RERE: variants seen among roughly 807,000 people sequenced by gnomAD.
The protein encoded by RERE is arginine-glutamic acid dipeptide repeats protein.
RERE carries 40 observed loss-of-function variants against 146.1 expected under a neutral mutation model. That is an observed-to-expected ratio of 0.27 (90% CI 0.21 to 0.36). The LOEUF (loss-of-function observed/expected upper bound fraction) is 0.36. RERE is among the 10% of genes least tolerant of loss of function. The pLI, the probability that RERE is intolerant of heterozygous loss-of-function variation, is 1.00. For synonymous variants in RERE, 1,003 were observed against 866.0 expected, an observed-to-expected ratio of 1.16 and a Z score of -2.78; for missense variants, 1,933 against 2,138.7, an observed-to-expected ratio of 0.90 and a Z score of 1.90.
chr1:8,677,404 C>T (rs369169001), intron 1 of RERE, among the ~76,000 whole-genome samples: 11 of 122,134 alleles, frequency 9.0e-5, no homozygotes, highest in African/African-American at 3.3e-4. Flanking sequence ...CCAGCCTGGG[C>T]GACAGAGTGA....
chr1:8,577,858 C>A (rs1226353176), intron 4 of RERE, among the ~76,000 whole-genome samples: 1 of 152,128 alleles, frequency 6.6e-6, no homozygotes, highest in Non-Finnish European at 1.5e-5. Context: ...ACTTGGGAGG[C>A]CGAGATGGGC....
chr1:8,385,556 G>A (rs1642608058), intron 12 of RERE, among the ~76,000 whole-genome samples: 2 of 152,106 alleles, frequency 1.3e-5, no homozygotes, highest in South Asian at 2.1e-4. Context: ...AAAGGACCCT[G>A]AAGAGTATCA....
chr1:8,475,703 A>G (rs1295002111), intron 10 of RERE, among the ~76,000 whole-genome samples: 3 of 152,100 alleles, frequency 2.0e-5, no homozygotes, highest in Non-Finnish European at 4.4e-5. Flanking sequence ...AAAAAAAAGA[A>G]AAGAAAAATT....
At position 8,525,881 on chromosome 1, in the gene RERE, C is replaced by A. The variant is rs1645564364; in HGVS notation, c.830+15333G>T. The stretch of plus-strand genomic sequence containing the variant: ...CTACACTAACAACTCAAAATGGAGG[C>A]ACATGCAGTCTCAGAGACCTCATAG... On this transcript the variant is annotated intron_variant, in intron 7 of 22. Transcript: ENST00000400908. The A allele has an allele frequency of 2.1e-6, 3 of 1,453,512 alleles. No homozygotes were observed. In the African/African-American group the frequency reaches 4.4e-5, roughly 21 times the overall value. 90.0% of individuals were successfully genotyped at this position (1,453,512 alleles called of 1,614,324 possible).
intron 12 of RERE, among the ~76,000 whole-genome samples, chr1:8,386,014 ATATATATATTT>A (rs1355471942): frequency 4.5e-5 from 2 of 44,624 alleles, no homozygotes; most frequent in African/African-American, 9.4e-5. Flanking sequence ...ATATATATAT[ATATATATATTT>A]TTTTTTTTTT....
intron 11 of RERE, among the ~76,000 whole-genome samples, chr1:8,448,139 G>A (rs767527876): frequency 4.6e-5 from 7 of 152,134 alleles, no homozygotes; most frequent in Non-Finnish European, 7.3e-5. Flanking sequence ...TTCCTGTCCA[G>A]GGCCACCTGG....
chr1:8,770,047 C>A (rs1208024104), intron 1 of RERE, among the ~76,000 whole-genome samples: 1 of 152,148 alleles, frequency 6.6e-6, no homozygotes, highest in East Asian at 1.9e-4. Flanking sequence ...GCTTCAGCCT[C>A]CCAAAGTGCT....
intron 1 of RERE, among the ~76,000 whole-genome samples, chr1:8,732,761 T>C (rs1640114620): frequency 6.6e-6 from 1 of 151,014 alleles, no homozygotes; most frequent in Admixed American, 6.6e-5. Context: ...TCTGTATATG[T>C]GTGTGTGTGG....
At chr1:8,649,969 C>T (rs1647528834) in intron 2 of RERE, among the ~76,000 whole-genome samples, 1 of 152,014 alleles carries the variant, frequency 6.6e-6, no homozygotes, top group African/African-American at 2.4e-5. Context: ...GGGAGAAAGG[C>T]AGTGACACTG....
chr1:8,368,017 C>T (rs1215629803), intron 12 of RERE, among the ~76,000 whole-genome samples: 2 of 152,204 alleles, frequency 1.3e-5, no homozygotes, highest in Non-Finnish European at 2.9e-5. Context: ...ACTCCAAATG[C>T]TCTGTCCAAG....
intron 12 of RERE, among the ~76,000 whole-genome samples, chr1:8,401,013 G>C (rs1462395762): frequency 3.2e-5 from 1 of 30,792 alleles, no homozygotes; most frequent in Non-Finnish European, 6.1e-5. Flanking sequence ...GTGAGACTCT[G>C]TCTCAAAAAA....
At chr1:8,793,169 A>AG (rs1641396207) in intron 1 of RERE, among the ~76,000 whole-genome samples, 2 of 146,846 alleles carry the variant, frequency 1.4e-5, no homozygotes, top group East Asian at 2.0e-4. Flanking sequence ...AAAAAAAAAA[A>AG]AAAAAAAAGA....
chr1:8,392,034 A>G (rs114986298), intron 12 of RERE, among the ~76,000 whole-genome samples: 7 of 152,324 alleles, frequency 4.6e-5, no homozygotes, highest in Non-Finnish European at 8.8e-5. Flanking sequence ...CTCAGAAAAA[A>G]TAAATAAATA....
At chr1:8,779,668 AAAAG>A (rs1641131046) in intron 1 of RERE, among the ~76,000 whole-genome samples, 1 of 152,150 alleles carries the variant, frequency 6.6e-6, no homozygotes. Flanking sequence ...CTCCAAAAAA[AAAAG>A]AAAGAATGTA....
At chr1:8,647,285 G>A (rs1191253316) in intron 2 of RERE, among the ~76,000 whole-genome samples, 2 of 152,168 alleles carry the variant, frequency 1.3e-5, no homozygotes, top group African/African-American at 2.4e-5. Context: ...AGATGATTGT[G>A]CAGATAGGCA....
intron 1 of RERE, among the ~76,000 whole-genome samples, chr1:8,676,069 T>C (rs961306781): frequency 8.5e-5 from 13 of 152,242 alleles, no homozygotes; most frequent in African/African-American, 2.9e-4. Flanking sequence ...GAAGTCTATA[T>C]GTAAGAAAAC....
chr1:8,622,475 C>A (rs1417897251), intron 3 of RERE, among the ~76,000 whole-genome samples: 1 of 101,430 alleles, frequency 9.9e-6, no homozygotes, highest in Non-Finnish European at 1.8e-5. Context: ...GGTGTCAGTG[C>A]TGTATCTGTT....
At chr1:8,523,609 T>C (rs1645533251) in intron 7 of RERE, among the ~76,000 whole-genome samples, 1 of 152,162 alleles carries the variant, frequency 6.6e-6, no homozygotes, top group South Asian at 2.1e-4. Context: ...GCCTTTAGCA[T>C]TCCAAAAAAT....
chr1:8,488,316 G>A (rs1206215235), intron 10 of RERE, among the ~76,000 whole-genome samples: 2 of 152,000 alleles, frequency 1.3e-5, no homozygotes, highest in African/African-American at 4.8e-5. Flanking sequence ...CACGGTTTCG[G>A]CTGACTGTAA....
Sources: allele counts gnomAD v4.1 joint callset (sites outside exome capture counted in the v4.1 genomes callset), GRCh38; gene constraint gnomAD v4.1.1; transcripts MANE v1.5; gene names NCBI Gene and HGNC (gene_info 2026-07-23, HGNC 2026-07-21).